VPS35L: variants seen among roughly 807,000 people sequenced by gnomAD.
VPS35L encodes VPS35 endosomal protein sorting factor like.
In VPS35L, 83 loss-of-function variants were observed where a neutral mutation model predicts 133.0. The observed-to-expected ratio is 0.62, with a 90% CI of 0.52 to 0.75. The LOEUF (loss-of-function observed/expected upper bound fraction) is 0.75. VPS35L is among the 30% of genes least tolerant of loss of function. The probability of loss-of-function intolerance (pLI) is 0.00; values close to 1 mark genes in which losing one functional copy is unlikely to be tolerated. For missense variants in VPS35L, 1,083 were observed against 1,206.8 expected (o/e 0.90, Z 1.52); for synonymous variants, 423 against 449.9 (o/e 0.94, Z 0.76).
intron 8 of VPS35L, among the ~76,000 whole-genome samples, chr16:19,592,242 G>GT (rs1164969618): frequency 0.012 from 1,624 of 134,040 alleles, 11 homozygotes; most frequent in African/African-American, 0.02. Context: ...GCCCAGCTAA[G>GT]TTTTTTTTTT....
rs1970903172 is a variant in VPS35L, at chr16:19,557,634, C to T, written c.17+1888C>T. On this transcript the variant is annotated intron_variant, in intron 1 of 30. Coordinates refer to ENST00000417362, the MANE Select transcript of VPS35L (RefSeq NM_020314.7). ...CTGACCTTAAGTGATCCGCCGACCT[C>T]GGGTTCCCAAAGTGCTGGGATTACA... 2.6e-5 allele frequency among the ~76,000 whole-genome samples: 4 copies of T among 152,134 alleles called. 1 individual carries two copies. The South Asian group carries it at 6.2e-4, about 24-fold the overall frequency.
At chr16:19,635,493 G>T (rs539668170) in intron 19 of VPS35L, among the ~76,000 whole-genome samples, 9 of 152,188 alleles carry the variant, frequency 5.9e-5, no homozygotes, top group Non-Finnish European at 1.2e-4. Flanking sequence ...AATGCAGTGC[G>T]CAATCTCAGA....
intron 15 of VPS35L, among the ~76,000 whole-genome samples, chr16:19,627,294 CAAAA>C (rs1483742432): frequency 1.3e-5 from 2 of 149,036 alleles, no homozygotes; most frequent in Admixed American, 6.7e-5. Context: ...AAAAAAAAAA[CAAAA>C]AAACCAAAAC....
intron 26 of VPS35L, among the ~76,000 whole-genome samples, chr16:19,655,052 C>T (rs1330999658): frequency 6.6e-6 from 1 of 152,174 alleles, no homozygotes; most frequent in Non-Finnish European, 1.5e-5. Flanking sequence ...AGTAGTTTCT[C>T]CCTGTTGTGC....
chr16:19,586,532 G>A (rs1260023970), intron 7 of VPS35L, among the ~76,000 whole-genome samples: 1 of 151,904 alleles, frequency 6.6e-6, no homozygotes, highest in African/African-American at 2.4e-5. Context: ...TAGAGATGGG[G>A]TTTTGCCATG....
chr16:19,624,477 C>T (rs1245310874), intron 14 of VPS35L, among the ~76,000 whole-genome samples: 3 of 151,744 alleles, frequency 2.0e-5, no homozygotes, highest in Non-Finnish European at 4.4e-5. Context: ...CCCAGCTACT[C>T]GGGAGGCTGA....
At chr16:19,680,602 A>G (rs1975236715) in intron 27 of VPS35L, among the ~76,000 whole-genome samples, 1 of 152,212 alleles carries the variant, frequency 6.6e-6, no homozygotes, top group Admixed American at 6.5e-5. Context: ...TCAGATAGTG[A>G]GAAGTGCTCT....
chr16:19,602,523 C>T (rs924193034), intron 9 of VPS35L, among the ~76,000 whole-genome samples: 3 of 152,150 alleles, frequency 2.0e-5, no homozygotes, highest in East Asian at 3.9e-4. Flanking sequence ...CCTCCTCTCT[C>T]TTCCTCTCCC....
intron 21 of VPS35L, among the ~76,000 whole-genome samples, chr16:19,641,542 A>G (rs1379636383): frequency 6.6e-6 from 1 of 152,192 alleles, no homozygotes; most frequent in Non-Finnish European, 1.5e-5. Context: ...TGAGTTTGAT[A>G]TTGCTCAAAT....
chr16:19,663,943 T>G (rs1185413391), intron 26 of VPS35L, among the ~76,000 whole-genome samples: 2 of 152,026 alleles, frequency 1.3e-5, no homozygotes, highest in Non-Finnish European at 2.9e-5. Flanking sequence ...TCTGTGGGGT[T>G]TTAATGGCTT....
At chr16:19,562,178 T>C (rs974614167) in intron 1 of VPS35L, among the ~76,000 whole-genome samples, 2 of 151,964 alleles carry the variant, frequency 1.3e-5, no homozygotes, top group African/African-American at 4.8e-5. Flanking sequence ...GCTACTATAG[T>C]GGGGTTTTGC....
intron 18 of VPS35L, 41 bp downstream of exon 18, chr16:19,629,861 T>C: frequency 6.3e-7 from 1 of 1,579,154 alleles, no homozygotes; most frequent in Non-Finnish European, 8.7e-7. Context: ...GAATTAGATT[T>C]TTTCATGTTT....
rs1392652859 is a variant in VPS35L, at chr16:19,573,114, T to G, written c.286-5T>G. ...TGCTGAAGAGATTATCTTGCCTTTC[T>G]TTAGGACAGCTCCAGAAGGAAACGT... is the stretch of plus-strand genomic sequence containing the variant. On this transcript the variant is annotated splice_polypyrimidine_tract_variant and splice_region_variant and intron_variant, in intron 3 of 30. Transcript: ENST00000417362. 3.1e-6 allele frequency: 5 copies of G among 1,612,968 alleles called. No individual in the cohort carries two copies. The highest frequency in any genetic ancestry group is 4.2e-6 in the Non-Finnish European group (5 of 1,179,466).
chr16:19,621,845 A>G (rs1973091840), intron 14 of VPS35L, among the ~76,000 whole-genome samples: 1 of 152,102 alleles, frequency 6.6e-6, no homozygotes, highest in African/African-American at 2.4e-5. Context: ...ATCTTTTGTG[A>G]GAGAGGGAAC....
chr16:19,603,483 G>A (rs750963117), intron 9 of VPS35L, among the ~76,000 whole-genome samples: 1 of 152,166 alleles, frequency 6.6e-6, no homozygotes, highest in African/African-American at 2.4e-5. Flanking sequence ...GATGAATCGG[G>A]TAAAGTACAT....
At chr16:19,623,237 A>G (rs1263967959) in intron 14 of VPS35L, among the ~76,000 whole-genome samples, 1 of 152,050 alleles carries the variant, frequency 6.6e-6, no homozygotes, top group African/African-American at 2.4e-5. Flanking sequence ...TAAACAACAG[A>G]CTTTATTTTC....
intron 26 of VPS35L, among the ~76,000 whole-genome samples, chr16:19,656,796 A>G (rs1201202602): frequency 6.6e-6 from 1 of 152,006 alleles, no homozygotes; most frequent in Non-Finnish European, 1.5e-5. Flanking sequence ...TTGATTTTAT[A>G]GTTAGAAAGC....
At chr16:19,583,568 C>T (rs548039457) in intron 7 of VPS35L, among the ~76,000 whole-genome samples, 2 of 151,914 alleles carry the variant, frequency 1.3e-5, no homozygotes, top group Admixed American at 6.6e-5. Context: ...TTTAAAAATA[C>T]ACAATAAGCT....
At chr16:19,682,564 A>G (rs1232466790) in intron 28 of VPS35L, among the ~76,000 whole-genome samples, 174 bp downstream of exon 28, 1 of 152,226 alleles carries the variant, frequency 6.6e-6, no homozygotes, top group Non-Finnish European at 1.5e-5. Context: ...GCAACTCTTA[A>G]GAGTACAGAT....
Sources: allele counts gnomAD v4.1 joint callset (sites outside exome capture counted in the v4.1 genomes callset), GRCh38; gene constraint gnomAD v4.1.1; transcripts MANE v1.5; gene names NCBI Gene and HGNC (gene_info 2026-07-23, HGNC 2026-07-21).